C2orf42: variants seen among roughly 807,000 people sequenced by gnomAD.
C2orf42 encodes the protein chromosome 2 open reading frame 42, also known as uncharacterized protein C2orf42.
A neutral mutation model predicts 58.9 loss-of-function variants in C2orf42; 44 were observed. The observed-to-expected ratio is 0.75, with a 90% CI of 0.59 to 0.96. The LOEUF (loss-of-function observed/expected upper bound fraction) is 0.96. Among genes scored for constraint, C2orf42 ranks in the 40% least tolerant of loss-of-function variants. The probability of loss-of-function intolerance (pLI) is 0.00; values close to 1 mark genes in which losing one functional copy is unlikely to be tolerated. For synonymous variants in C2orf42, 239 were observed against 265.4 expected, an observed-to-expected ratio of 0.90 and a Z score of 0.97; for missense variants, 630 against 699.2, an observed-to-expected ratio of 0.90 and a Z score of 1.12.
intron 6 of C2orf42, 95 bp downstream of exon 6, chr2:70,169,462 G>A (rs1673646329): frequency 3.4e-6 from 2 of 591,760 alleles, no homozygotes; most frequent in Non-Finnish European, 6.2e-6. Context: ...CTGGACTGAA[G>A]TCCAATTACT....
intron 8 of C2orf42, among the ~76,000 whole-genome samples, chr2:70,161,109 C>T (rs1673026528): frequency 6.6e-6 from 1 of 152,164 alleles, no homozygotes; most frequent in South Asian, 2.1e-4. Context: ...ATTCCTTCCC[C>T]TACTGCTCTG....
At chr2:70,175,528 G>A (rs1243074381) in intron 5 of C2orf42, 145 bp downstream of exon 5, 22 of 670,734 alleles carry the variant, frequency 3.3e-5, no homozygotes, top group Non-Finnish European at 5.7e-5. Flanking sequence ...TGAAACTGGT[G>A]GGACAGGAGG....
intron 9 of C2orf42, among the ~76,000 whole-genome samples, chr2:70,153,619 A>G (rs1390179836): frequency 1.3e-5 from 2 of 149,652 alleles, no homozygotes; most frequent in East Asian, 2.0e-4. Flanking sequence ...TTGGCCTCCC[A>G]AAGTCTGGAC....
In C2orf42 at chr2:70,167,811, A is replaced by G. The variant is rs575417801; in HGVS notation, c.1144+1746T>C. Among the ~76,000 whole-genome samples the G allele has an allele frequency of 1.2e-4, 18 of 152,260 alleles. No homozygotes were observed. The South Asian group carries it at 3.7e-3, about 32-fold the overall frequency. ...ATAGTCAAGGAGCGAGCTGATGGAA[A>G]CCTGGACAAAGGTGGTAGTAATGGA... On this transcript the variant is annotated intron_variant, in intron 6 of 9. Coordinates refer to ENST00000264434, the MANE Select transcript of C2orf42 (RefSeq NM_017880.3).
intron 6 of C2orf42, among the ~76,000 whole-genome samples, chr2:70,166,463 C>T (rs1182783881): frequency 1.1e-4 from 16 of 143,282 alleles, no homozygotes; most frequent in Admixed American, 1.1e-3. Context: ...GTCAGGAGTT[C>T]GAGACCAGCT....
chr2:70,190,859 C>G (rs1304542804), intron 1 of C2orf42, 114 bp downstream of exon 1: 1 of 152,494 alleles, frequency 6.6e-6, no homozygotes, highest in Non-Finnish European at 1.5e-5. Flanking sequence ...GCTGGGAACC[C>G]GAGCTCTACA....
At chr2:70,173,802 GT>G (rs200662663) in intron 5 of C2orf42, among the ~76,000 whole-genome samples, 4 of 150,382 alleles carry the variant, frequency 2.7e-5, no homozygotes, top group Non-Finnish European at 5.9e-5. Context: ...TGTTTTTTGT[GT>G]TTTTTTTGGT....
chr2:70,169,521 T>A (rs1187313933), intron 6 of C2orf42, 36 bp downstream of exon 6: 1 of 1,092,178 alleles, frequency 9.2e-7, no homozygotes, highest in Non-Finnish European at 1.4e-6. Flanking sequence ...TTTCTCCTAC[T>A]TTCAGCAAGA....
chr2:70,189,405 T>A (rs1264612221), intron 1 of C2orf42, among the ~76,000 whole-genome samples: 1 of 10,960 alleles, frequency 9.1e-5, no homozygotes, highest in Non-Finnish European at 1.4e-4. Context: ...AAACTCCATC[T>A]CAAAAAAAAA....
In C2orf42 at chr2:70,160,914, T is replaced by C. The variant is rs139081927; in HGVS notation, c.1354-127A>G. ...TAAGTATATTCAAATGAATTACAAC[T>C]TCCCTGTTTTTCAAGAAAATCCTGT... On this transcript the variant is annotated intron_variant, in intron 8 of 9. Coordinates refer to ENST00000264434, the MANE Select transcript of C2orf42 (RefSeq NM_017880.3). 268 of 606,328 alleles carry C rather than the reference T, an allele frequency of 4.4e-4. 1 individual carries two copies. The highest frequency in any genetic ancestry group is 6.7e-4 in the Non-Finnish European group (244 of 364,998). 37.6% of individuals were successfully genotyped at this position (606,328 alleles called of 1,614,324 possible).
chr2:70,157,234 CACG>C (rs961993355), intron 9 of C2orf42, among the ~76,000 whole-genome samples: 1 of 151,862 alleles, frequency 6.6e-6, no homozygotes, highest in Non-Finnish European at 1.5e-5. Flanking sequence ...GTGGATGGAT[CACG>C]AGGTCAGGAG....
chr2:70,171,994 G>A lies in C2orf42; in HGVS notation c.1040-2333C>T, dbSNP rs570680870. 2.6e-3 allele frequency among the ~76,000 whole-genome samples: 391 copies of A among 151,518 alleles called. 2 individuals are homozygous for A. Among genetic ancestry groups the A allele is most frequent in the Middle Eastern group, 6.9e-3 (2 of 290 alleles). On this transcript the variant is annotated intron_variant, in intron 5 of 9. Coordinates refer to ENST00000264434, the MANE Select transcript of C2orf42 (RefSeq NM_017880.3). ...TCCCAGCACTTTGGGAGGCCAAGGC[G>A]GGTGGATCACCTGAGGTCAGGAATT... is the stretch of plus-strand genomic sequence containing the variant.
At chr2:70,188,013 G>A (rs1465786167) in intron 1 of C2orf42, among the ~76,000 whole-genome samples, 1 of 152,004 alleles carries the variant, frequency 6.6e-6, no homozygotes, top group South Asian at 2.1e-4. Context: ...TTATAGGAAA[G>A]CTAAAGACAG....
chr2:70,178,868 T>A (rs1165423855), intron 4 of C2orf42, among the ~76,000 whole-genome samples: 1 of 145,980 alleles, frequency 6.9e-6, no homozygotes, highest in Non-Finnish European at 1.5e-5. Context: ...GAGGTTGCAG[T>A]GAGCTGAGAT....
intron 9 of C2orf42, among the ~76,000 whole-genome samples, chr2:70,154,910 C>T (rs1172521831): frequency 2.0e-5 from 3 of 152,048 alleles, no homozygotes; most frequent in Non-Finnish European, 1.5e-5. Flanking sequence ...CATGTACCAC[C>T]ATTCCTGGCT....
At chr2:70,174,043 C>T (rs1049132687) in intron 5 of C2orf42, among the ~76,000 whole-genome samples, 8 of 152,142 alleles carry the variant, frequency 5.3e-5, no homozygotes, top group African/African-American at 1.9e-4. Flanking sequence ...CGTGGTGGCT[C>T]ACACCTGTAA....
At chr2:70,168,404 C>T (rs1266829809) in intron 6 of C2orf42, among the ~76,000 whole-genome samples, 1 of 150,552 alleles carries the variant, frequency 6.6e-6, no homozygotes, top group Non-Finnish European at 1.5e-5. Context: ...TCTCCTGCCT[C>T]AGCCTCCCGA....
In C2orf42 at chr2:70,165,538, G is replaced by C; in HGVS notation, c.1242C>G (p.Asn414Lys). ...SIGSAKKRLP[N>K]STTAFVRKDA... Reference sequence around the variant, plus strand: ...AGGGAAATCCTGTACCTGTGGTGGAGTTGGGGAGCCGTTTTTTTGCACTTC... The same window carrying C: ...AGGGAAATCCTGTACCTGTGGTGGACTTGGGGAGCCGTTTTTTTGCACTTC... The change falls in exon 7 of 10, where the codon AAC becomes AAG. Residue 414 changes from asparagine to lysine, a missense_variant. Asn to Lys is a moderately conservative substitution (Grantham distance 94, BLOSUM62 0). Coordinates refer to ENST00000264434, the MANE Select transcript of C2orf42 (RefSeq NM_017880.3). 1.9e-6 allele frequency: 3 copies of C among 1,580,852 alleles called. No homozygotes were observed. Among genetic ancestry groups the C allele is most frequent in the Non-Finnish European group, 2.6e-6 (3 of 1,149,734 alleles).
At chr2:70,179,904 A>G (rs1674439500) in intron 3 of C2orf42, among the ~76,000 whole-genome samples, 1 of 152,124 alleles carries the variant, frequency 6.6e-6, no homozygotes, top group Admixed American at 6.6e-5. Flanking sequence ...ATGTCACTGC[A>G]TGCCAGCCTG....
Sources: gnomAD v4.1 joint callset for allele counts (sites outside exome capture counted in the v4.1 genomes callset) on GRCh38, gnomAD v4.1.1 for gene constraint, MANE v1.5 for transcripts, NCBI Gene and HGNC (gene_info 2026-07-23, HGNC 2026-07-21) for gene names.